Variants in JMJD1C observed in about 807,000 individuals in gnomAD.
The protein encoded by JMJD1C is jumonji domain containing 1C, also known as jumonji domain-containing protein 1C.
Under a neutral mutation model 245.3 loss-of-function variants are expected in JMJD1C, and 31 were observed. The observed-to-expected ratio is 0.13, with a 90% CI of 0.09 to 0.17. JMJD1C has a LOEUF of 0.17. JMJD1C is among the 10% of genes least tolerant of loss of function. The pLI, the probability that JMJD1C is intolerant of heterozygous loss-of-function variation, is 1.00. For missense variants in JMJD1C, 2,691 were observed against 3,000.2 expected (o/e 0.90, Z 2.41); for synonymous variants, 1,057 against 1,017.4 (o/e 1.04, Z -0.74).
intron 3 of JMJD1C, among the ~76,000 whole-genome samples, chr10:63,229,805 T>C (rs1849746652): frequency 1.3e-5 from 2 of 152,236 alleles, no homozygotes; most frequent in Admixed American, 6.5e-5. Context: ...AATAATATTC[T>C]TTGCATTCGA....
chr10:63,222,576 A>T, intron 3 of JMJD1C: 1 of 1,594,462 alleles, frequency 6.3e-7, no homozygotes, highest in Non-Finnish European at 8.6e-7. Flanking sequence ...CTGTCAGAAC[A>T]AACAAAATTA....
intron 2 of JMJD1C, among the ~76,000 whole-genome samples, chr10:63,357,437 C>T (rs1417600884): frequency 6.6e-6 from 1 of 152,066 alleles, no homozygotes; most frequent in Non-Finnish European, 1.5e-5. Context: ...TCCTCAGTAG[C>T]TGGGATTACA....
At chr10:63,226,492 C>T (rs1849293927) in intron 3 of JMJD1C, among the ~76,000 whole-genome samples, 1 of 151,624 alleles carries the variant, frequency 6.6e-6, no homozygotes, top group Admixed American at 6.6e-5. Flanking sequence ...GTGGGAGGAT[C>T]CCTTGAGTCC....
At chr10:63,470,975 A>C (rs1589808058), upstream of JMJD1C, among the ~76,000 whole-genome samples, 2 of 152,236 alleles carry the variant, frequency 1.3e-5, no homozygotes, top group South Asian at 4.1e-4. Flanking sequence ...TAATCTGCTG[A>C]GTGAGGAACT....
chr10:63,261,125 T>A (rs1161067508), intron 3 of JMJD1C, among the ~76,000 whole-genome samples: 1 of 152,212 alleles, frequency 6.6e-6, no homozygotes. Flanking sequence ...CACTTAACAA[T>A]ATCGAGGCCT....
intron 2 of JMJD1C, among the ~76,000 whole-genome samples, chr10:63,337,826 A>G (rs1278757705): frequency 5.3e-5 from 8 of 152,074 alleles, no homozygotes; most frequent in African/African-American, 1.9e-4. Context: ...ATTTAGTGAC[A>G]TTCTGTTGTT....
At position 63,386,635 on chromosome 10, in the gene JMJD1C, A is replaced by G. The variant is rs1402526215; in HGVS notation, c.169-6153T>C. ...ACTGACCACTATCACCAAAGCTGAC[A>G]CCCACCCACATGTGGGCACCTGCAG... On this transcript the variant is annotated intron_variant, in intron 1 of 25. Coordinates refer to ENST00000399262, the MANE Select transcript of JMJD1C (RefSeq NM_032776.3). 2.6e-5 allele frequency among the ~76,000 whole-genome samples: 4 copies of G among 152,164 alleles called. 1 individual carries two copies. Among genetic ancestry groups the G allele is most frequent in the African/African-American group, 9.7e-5 (4 of 41,422 alleles).
chr10:63,298,047 G>A (rs1859648837), intron 2 of JMJD1C, among the ~76,000 whole-genome samples: 1 of 152,232 alleles, frequency 6.6e-6, no homozygotes, highest in South Asian at 2.1e-4. Context: ...ATCTGATCCA[G>A]CTGCAGCCTC....
chr10:63,280,132 C>T (rs1251518865), intron 2 of JMJD1C, among the ~76,000 whole-genome samples: 1 of 151,998 alleles, frequency 6.6e-6, no homozygotes, highest in Non-Finnish European at 1.5e-5. Flanking sequence ...GTCTGGGTGA[C>T]AGGGCGAGAC....
At chr10:63,498,810 C>T (rs1297783610) in intron 1 of JMJD1C, among the ~76,000 whole-genome samples, 1 of 152,044 alleles carries the variant, frequency 6.6e-6, no homozygotes, top group Non-Finnish European at 1.5e-5. Flanking sequence ...CACAGTGTTA[C>T]ACAGATCTCT....
At chr10:63,355,640 T>C (rs1319865525) in intron 2 of JMJD1C, among the ~76,000 whole-genome samples, 2 of 152,142 alleles carry the variant, frequency 1.3e-5, no homozygotes, top group Non-Finnish European at 2.9e-5. Context: ...AAAGAGAACT[T>C]TTCCAGTGAC....
At chr10:63,428,772 T>C (rs1483619504) in intron 1 of JMJD1C, among the ~76,000 whole-genome samples, 3 of 152,200 alleles carry the variant, frequency 2.0e-5, no homozygotes, top group Non-Finnish European at 2.9e-5. Flanking sequence ...ATCTTAACTT[T>C]CCCTTATCCT....
intron 3 of JMJD1C, among the ~76,000 whole-genome samples, chr10:63,256,740 A>G (rs1002683703): frequency 5.9e-5 from 9 of 152,180 alleles, no homozygotes; most frequent in African/African-American, 2.2e-4. Flanking sequence ...ATAGTTATGT[A>G]TTTTTAATAC....
At chr10:63,317,462 A>G (rs913338913) in intron 2 of JMJD1C, among the ~76,000 whole-genome samples, 2 of 152,024 alleles carry the variant, frequency 1.3e-5, no homozygotes, top group African/African-American at 4.8e-5. Flanking sequence ...GCCATAGAAC[A>G]TTGGAACTTA....
intron 2 of JMJD1C, among the ~76,000 whole-genome samples, chr10:63,376,110 T>C (rs912196505): frequency 2.0e-5 from 3 of 152,094 alleles, no homozygotes; most frequent in Non-Finnish European, 2.9e-5. Flanking sequence ...TGGAATGGAA[T>C]AGAAAGCCCA....
intron 2 of JMJD1C, among the ~76,000 whole-genome samples, chr10:63,355,190 AT>A (rs1944729024): frequency 6.6e-6 from 1 of 152,112 alleles, no homozygotes; most frequent in South Asian, 2.1e-4. Context: ...ATAATCACAG[AT>A]TCATAAGAAA....
intron 3 of JMJD1C, among the ~76,000 whole-genome samples, chr10:63,223,372 C>A (rs190357721): frequency 2.0e-5 from 3 of 151,568 alleles, no homozygotes; most frequent in Non-Finnish European, 4.4e-5. Context: ...GGATTACAGG[C>A]GCATACCACC....
intron 24 of JMJD1C, among the ~76,000 whole-genome samples, chr10:63,175,301 A>G (rs180974705): frequency 4.6e-5 from 7 of 152,340 alleles, no homozygotes; most frequent in Admixed American, 2.0e-4. Context: ...TGAAATAATC[A>G]TAAGTCCATG....
At chr10:63,268,922 G>A (rs1394462966) in intron 2 of JMJD1C, 10 of 985,790 alleles carry the variant, frequency 1.0e-5, no homozygotes, top group Admixed American at 6.1e-5. Flanking sequence ...AGTCTCCAAC[G>A]AGCAAATGAC....
Sources: gnomAD v4.1 joint callset for allele counts (sites outside exome capture counted in the v4.1 genomes callset) on GRCh38, gnomAD v4.1.1 for gene constraint, MANE v1.5 for transcripts, NCBI Gene and HGNC (gene_info 2026-07-23, HGNC 2026-07-21) for gene names.